B4GALNT3: variants seen among roughly 807,000 people sequenced by gnomAD.
The protein encoded by B4GALNT3 is beta-1,4-N-acetyl-galactosaminyltransferase 3.
B4GALNT3 carries 86 observed loss-of-function variants against 120.2 expected under a neutral mutation model. The observed-to-expected ratio is 0.72, with a 90% CI of 0.60 to 0.86. The LOEUF (loss-of-function observed/expected upper bound fraction) is 0.86. Among genes scored for constraint, B4GALNT3 ranks in the 40% least tolerant of loss-of-function variants. The probability of loss-of-function intolerance (pLI) is 0.00; values close to 1 mark genes in which losing one functional copy is unlikely to be tolerated. For missense variants in B4GALNT3, 1,167 were observed against 1,298.9 expected (o/e 0.90, Z 1.56); for synonymous variants, 518 against 510.4 (o/e 1.01, Z -0.20).
intron 1 of B4GALNT3, among the ~76,000 whole-genome samples, chr12:511,595 CGCCTTCCACCTTCG>C (rs1946562432): frequency 7.7e-6 from 1 of 130,360 alleles, no homozygotes; most frequent in African/African-American, 2.7e-5. Flanking sequence ...TTCCACCTTC[CGCCTTCCACCTTCG>C]ACCTTCTTCC....
chr12:497,294 C>T (rs1011016141), intron 1 of B4GALNT3, among the ~76,000 whole-genome samples: 1 of 152,196 alleles, frequency 6.6e-6, no homozygotes, highest in Non-Finnish European at 1.5e-5. Flanking sequence ...GCTGGGATTA[C>T]AGGCACGTGC....
chr12:547,890 C>T lies in B4GALNT3; in HGVS notation c.708-134C>T, dbSNP rs968653094. The T allele has an allele frequency of 1.2e-4, 85 of 725,612 alleles. No homozygotes were observed. In the East Asian group the frequency reaches 2.2e-3, roughly 18 times the overall value. 44.9% of individuals were successfully genotyped at this position (725,612 alleles called of 1,614,324 possible). A position where few individuals can be genotyped will look rare whatever the true frequency, so the allele number is the denominator to read the frequency against. ...GATAGAGTGGGGGCTCGAACCTAGG[C>T]AGTTAACTCCTGGCATTCTAAGAGC... On this transcript the variant is annotated intron_variant, in intron 7 of 19. Transcript: ENST00000266383.
At chr12:557,363 G>A (rs1001311911) in intron 15 of B4GALNT3, among the ~76,000 whole-genome samples, 6 of 152,144 alleles carry the variant, frequency 3.9e-5, no homozygotes, top group Middle Eastern at 3.2e-3. Context: ...AGGCCTTCTC[G>A]TGGGTCCCCT....
At chr12:509,632 A>G (rs960093638) in intron 1 of B4GALNT3, among the ~76,000 whole-genome samples, 4 of 152,176 alleles carry the variant, frequency 2.6e-5, no homozygotes, top group Non-Finnish European at 5.9e-5. Flanking sequence ...GGGGGGTGGC[A>G]AGAGCATGCG....
At chr12:506,323 A>C (rs757352164) in intron 1 of B4GALNT3, among the ~76,000 whole-genome samples, 1 of 152,220 alleles carries the variant, frequency 6.6e-6, no homozygotes, top group Non-Finnish European at 1.5e-5. Flanking sequence ...AAAGCCAGTG[A>C]AAGAACAAGG....
At chr12:553,018 G>C in intron 13 of B4GALNT3, 176 bp from the exon 14 acceptor site, 2 of 808,352 alleles carry the variant, frequency 2.5e-6, no homozygotes, top group South Asian at 3.4e-5. Flanking sequence ...AAGAAACTGG[G>C]GTTAATTGAG....
intron 1 of B4GALNT3, among the ~76,000 whole-genome samples, chr12:518,287 C>T (rs1402297696): frequency 9.2e-5 from 14 of 152,204 alleles, no homozygotes; most frequent in African/African-American, 3.1e-4. Flanking sequence ...GGCAGCTATG[C>T]GCAGTTGTCT....
intron 3 of B4GALNT3, among the ~76,000 whole-genome samples, chr12:539,797 G>T (rs1946896705): frequency 6.6e-6 from 1 of 152,180 alleles, no homozygotes; most frequent in Admixed American, 6.5e-5. Flanking sequence ...TGTAGTTACA[G>T]CTACTTGGGC....
intron 1 of B4GALNT3, among the ~76,000 whole-genome samples, chr12:524,926 T>G (rs923214407): frequency 6.6e-6 from 1 of 151,900 alleles, no homozygotes; most frequent in African/African-American, 2.4e-5. Context: ...TTAAACTTGT[T>G]GTGTTAAACC....
At chr12:531,126 C>T (rs1293173304) in intron 1 of B4GALNT3, among the ~76,000 whole-genome samples, 1 of 152,152 alleles carries the variant, frequency 6.6e-6, no homozygotes, top group African/African-American at 2.4e-5. Context: ...CTAAGCAATG[C>T]CTGGTTATTC....
chr12:478,925 A>AATGGAAG (rs1946209705), intron 1 of B4GALNT3, among the ~76,000 whole-genome samples: 2 of 152,224 alleles, frequency 1.3e-5, no homozygotes, highest in African/African-American at 4.8e-5. Context: ...AGGTGTCCTT[A>AATGGAAG]TGGACAATGG....
At position 521,143 on chromosome 12, in the gene B4GALNT3, C is replaced by T. The variant is rs151254560; in HGVS notation, c.170-14023C>T. 3.0e-4 allele frequency among the ~76,000 whole-genome samples: 45 copies of T among 152,272 alleles called. 1 individual carries two copies. In the East Asian group the frequency reaches 7.7e-3, roughly 26 times the overall value. On this transcript the variant is annotated intron_variant, in intron 1 of 19. Coordinates refer to ENST00000266383, the MANE Select transcript of B4GALNT3 (RefSeq NM_173593.4). ...TTCACAGGGAAGATTCAGAACATCG[C>T]CCTCTCCCCACCCCTGAGTCTAATG... is the stretch of plus-strand genomic sequence containing the variant.
intron 1 of B4GALNT3, among the ~76,000 whole-genome samples, chr12:465,871 G>T (rs908286207): frequency 1.4e-5 from 2 of 146,770 alleles, no homozygotes; most frequent in Non-Finnish European, 3.0e-5. Flanking sequence ...TGGTGCTGGG[G>T]CTGCCTGCCA....
At chr12:543,862 G>T (rs74756536) in intron 3 of B4GALNT3, among the ~76,000 whole-genome samples, 4 of 126,960 alleles carry the variant, frequency 3.2e-5, no homozygotes, top group Admixed American at 1.5e-4. Flanking sequence ...GAGCTGAGGA[G>T]CTGGGGCGGG....
At position 559,295 on chromosome 12, in the gene B4GALNT3, G is replaced by C. The variant is rs1452734051; in HGVS notation, c.2762G>C (p.Gly921Ala). 2 of 1,613,962 alleles carry C rather than the reference G, an allele frequency of 1.2e-6. No homozygotes were observed. The highest frequency in any genetic ancestry group is 1.1e-5 in the South Asian group (1 of 91,078). ...HCGATPQWPEGYWEVNGFGLL... is the reference protein window; with the variant it reads ...HCGATPQWPEAYWEVNGFGLL... ...ACCCGAAGCTCCTGTCTGTCCACAG[G>C]CTACTGGGAGGTGAATGGGTTCGGG... The change falls in exon 19 of 20, where the codon GGC (glycine) becomes GCC (alanine). Residue 921 changes from glycine (G) to alanine (A), a missense_variant and splice_region_variant. By Grantham distance (60) the Gly-to-Ala change is moderately conservative. Around this residue, in one of 3 missense-constraint regions of B4GALNT3, gnomAD observed 983 missense variants for 1,102.5 expected, o/e 0.89. Transcript: ENST00000266383.
At chr12:487,981 G>C (rs1380625151) in intron 1 of B4GALNT3, among the ~76,000 whole-genome samples, 3 of 152,010 alleles carry the variant, frequency 2.0e-5, no homozygotes, top group Non-Finnish European at 4.4e-5. Context: ...AAACTTGTAA[G>C]TAGCCAGATA....
intron 1 of B4GALNT3, among the ~76,000 whole-genome samples, chr12:504,018 G>A (rs968283704): frequency 6.6e-6 from 1 of 152,008 alleles, no homozygotes; most frequent in Non-Finnish European, 1.5e-5. Context: ...GGGAAGCTGA[G>A]GCAGGAGAAT....
chr12:487,717 A>AG (rs980789262), intron 1 of B4GALNT3, among the ~76,000 whole-genome samples: 8 of 151,468 alleles, frequency 5.3e-5, no homozygotes, highest in African/African-American at 1.9e-4. Context: ...TATCTTGAAA[A>AG]AAAAAAAAAG....
intron 3 of B4GALNT3, among the ~76,000 whole-genome samples, chr12:536,733 A>G (rs7952749): frequency 0.26 from 39,223 of 152,176 alleles, 5,671 homozygotes; most frequent in African/African-American, 0.38. Flanking sequence ...ACATTTGCCA[A>G]AGGCCTACTG....
Sources: gnomAD v4.1 joint callset for allele counts (sites outside exome capture counted in the v4.1 genomes callset) on GRCh38, gnomAD v4.1.1 for gene constraint, gnomAD v4.1.1 regional missense constraint, MANE v1.5 for transcripts, NCBI Gene and HGNC (gene_info 2026-07-23, HGNC 2026-07-21) for gene names.